Variants in NOS3 observed in about 807,000 individuals in gnomAD.
NOS3 encodes the protein NOS type III.
NOS3 carries 98 observed loss-of-function variants against 144.9 expected under a neutral mutation model. The observed-to-expected ratio is 0.68, with a 90% CI of 0.57 to 0.80. The LOEUF is 0.80. Ranked by LOEUF, NOS3 falls within the 30% of genes least tolerant of loss-of-function variation. The probability of loss-of-function intolerance (pLI) is 0.00; values close to 1 mark genes in which losing one functional copy is unlikely to be tolerated. For synonymous variants in NOS3, 714 were observed against 702.4 expected (o/e 1.02, Z -0.26); for missense variants, 1,465 against 1,656.4 (o/e 0.88, Z 2.01).
In NOS3 at chr7:150,998,881, T is replaced by C. The variant is rs1395733179; in HGVS notation, c.817-65T>C. ...GGAGATGAAGGCAGGAGACAGTGGA[T>C]GGAGGGGTCCCTGAGGAGGGCATGA... On this transcript the variant is annotated intron_variant, in intron 7 of 26. Coordinates refer to ENST00000297494, the MANE Select transcript of NOS3 (RefSeq NM_000603.5). This position sits in a 1 kb window ranked among gnomAD's most constrained non-coding sequence, Gnocchi z 5.0. The C allele has an allele frequency of 1.3e-6, 2 of 1,556,018 alleles. No homozygotes were observed. The highest frequency in any genetic ancestry group is 1.9e-5 in the Admixed American group (1 of 52,296).
chr7:151,002,361 G>T lies in NOS3; in HGVS notation c.1752+57G>T. 2 of 779,598 alleles carry T rather than the reference G, an allele frequency of 2.6e-6. No homozygotes were observed. The highest frequency in any genetic ancestry group is 1.5e-5 in the South Asian group (1 of 67,396). 48.3% of individuals were successfully genotyped at this position (779,598 alleles called of 1,614,324 possible). A position where few individuals can be genotyped will look rare whatever the true frequency, so the allele number is the denominator to read the frequency against. Reference sequence around the variant, plus strand: ...ATGAGGAGAGACTCAGAATTGGAGTGACTGGGCAGGAACCTCTGCCCAACA... The same window carrying T: ...ATGAGGAGAGACTCAGAATTGGAGTTACTGGGCAGGAACCTCTGCCCAACA... On this transcript the variant is annotated intron_variant, in intron 14 of 26. Transcript: ENST00000297494. The surrounding 1 kb of genome is among the most constrained non-coding windows in gnomAD (Gnocchi z 4.1).
rs1802498706 is a variant in NOS3, at chr7:150,998,877, T to C, written c.817-69T>C. Reference sequence around the variant, plus strand: ...CCCTGGAGATGAAGGCAGGAGACAGTGGATGGAGGGGTCCCTGAGGAGGGC... The same window carrying C: ...CCCTGGAGATGAAGGCAGGAGACAGCGGATGGAGGGGTCCCTGAGGAGGGC... On this transcript the variant is annotated intron_variant, in intron 7 of 26. Coordinates refer to ENST00000297494, the MANE Select transcript of NOS3 (RefSeq NM_000603.5). The surrounding 1 kb of genome is among the most constrained non-coding windows in gnomAD (Gnocchi z 5.0). 2 of 1,549,192 alleles carry C rather than the reference T, an allele frequency of 1.3e-6. No homozygotes were observed. Among genetic ancestry groups the C allele is most frequent in the Admixed American group, 3.9e-5 (2 of 51,388 alleles).
chr7:151,011,928 C>T (rs1795314341), intron 23 of NOS3: 8 of 339,298 alleles, frequency 2.4e-5, no homozygotes, highest in South Asian at 1.7e-4. Context: ...GAGAACAGTT[C>T]CTAGGCTGCC....
chr7:151,013,509 C>T (rs771810010), intron 25 of NOS3, 130 bp downstream of exon 25: 38 of 1,251,680 alleles, frequency 3.0e-5, no homozygotes, highest in Non-Finnish European at 3.8e-5. Flanking sequence ...CCCCTGCACA[C>T]TCTGGCCCAC....
At position 150,999,516 on chromosome 7, in the gene NOS3, A is replaced by G. The variant is rs1584902662; in HGVS notation, c.1131+152A>G. 5 of 807,186 alleles carry G rather than the reference A, an allele frequency of 6.2e-6. No individual in the cohort carries two copies. The East Asian group carries it at 1.4e-4, about 22-fold the overall frequency. The allele number at this position is 807,186 out of a possible 1,614,324, so 50.0% of individuals were successfully genotyped here. On this transcript the variant is annotated intron_variant, in intron 9 of 26. Coordinates refer to ENST00000297494, the MANE Select transcript of NOS3 (RefSeq NM_000603.5). ...GGAACTGAGGACAAGCTCTAGAACC[A>G]CTGAAGCAAAGGGGTAGGGGGTGGC... is the stretch of plus-strand genomic sequence containing the variant.
At position 151,014,394 on chromosome 7, in the gene NOS3, TC is replaced by T. The variant is rs1032005929; in HGVS notation, c.*228del. ...GGTCCGCCTTAATCTGGAAGGCCCC[TC>T]CCAGCAGCGGTACCCCAGGGCCTAC... On this transcript the variant is annotated 3_prime_UTR_variant, in exon 27 of 27. Coordinates refer to ENST00000297494, the MANE Select transcript of NOS3 (RefSeq NM_000603.5). 2.1e-5 allele frequency: 11 copies of T among 518,376 alleles called. No individual in the cohort carries two copies. In the African/African-American group the frequency reaches 2.1e-4, roughly 10 times the overall value. 32.1% of individuals were successfully genotyped at this position (518,376 alleles called of 1,614,324 possible). A position where few individuals can be genotyped will look rare whatever the true frequency, so the allele number is the denominator to read the frequency against.
At position 150,996,388 on chromosome 7, in the gene NOS3, C is replaced by T. The variant is rs367683762; in HGVS notation, c.271-16C>T. ...GCACCCTGGCCTGTCCTGACCTTTG[C>T]ACTCCCTCGACCCAGGATGGGCCCT... is the stretch of plus-strand genomic sequence containing the variant. On this transcript the variant is annotated splice_polypyrimidine_tract_variant and intron_variant, in intron 3 of 26. Transcript: ENST00000297494. 1.4e-5 allele frequency: 18 copies of T among 1,259,008 alleles called. No individual in the cohort carries two copies. The highest frequency in any genetic ancestry group is 1.7e-5 in the Non-Finnish European group (17 of 977,396). The allele number at this position is 1,259,008 out of a possible 1,614,324, so 78.0% of individuals were successfully genotyped here.
At chr7:151,013,019 C>T (rs1795340598) in intron 24 of NOS3, 2 of 565,942 alleles carry the variant, frequency 3.5e-6, no homozygotes, top group South Asian at 4.8e-5. Flanking sequence ...GGGGCCACCA[C>T]CTCACCCGCG....
intron 11 of NOS3, 27 bp from the exon 12 acceptor site, chr7:151,001,517 C>G: frequency 3.7e-6 from 6 of 1,612,084 alleles, no homozygotes; most frequent in Non-Finnish European, 5.1e-6. Context: ...CTTTACCTCC[C>G]CTCCCAACCC....
intron 1 of NOS3, among the ~76,000 whole-genome samples, chr7:150,992,488 A>AGGGCACACT (rs1802274070): frequency 1.3e-5 from 2 of 152,166 alleles, no homozygotes; most frequent in Non-Finnish European, 2.9e-5. Context: ...CAGGGGCAGC[A>AGGGCACACT]GGGCACACTA....
chr7:151,014,175 G>A lies in NOS3; in HGVS notation c.*6G>A, dbSNP rs151197128. 14,251 of 1,593,822 alleles carry A rather than the reference G, an allele frequency of 8.9e-3. 87 individuals are homozygous for A. The highest frequency in any genetic ancestry group is 0.011 in the Non-Finnish European group (12,379 of 1,166,910). ...CAGACACCAACAGCCCCTGAGAGCC[G>A]CCTGGCTTTCCCTTCCAGTTCCGGG... is the stretch of plus-strand genomic sequence containing the variant. On this transcript the variant is annotated 3_prime_UTR_variant, in exon 27 of 27. Transcript: ENST00000297494.
Position 151,001,212 on chromosome 7 carries a change from C to G in NOS3, c.1234-19C>G. ...CTGTGGGTCTGGTTTGAGCCTCTCC[C>G]CCTCTCTCTCCCTTCCAGCTAGCCA... is the stretch of plus-strand genomic sequence containing the variant. On this transcript the variant is annotated intron_variant, in intron 10 of 26. Coordinates refer to ENST00000297494, the MANE Select transcript of NOS3 (RefSeq NM_000603.5). The G allele has an allele frequency of 1.2e-6, 2 of 1,610,798 alleles. No homozygotes were observed. Among genetic ancestry groups the G allele is most frequent in the Non-Finnish European group, 8.5e-7 (1 of 1,179,696 alleles).
In NOS3 at chr7:150,998,917, C is replaced by G. The variant is rs201145456; in HGVS notation, c.817-29C>G. On this transcript the variant is annotated intron_variant, in intron 7 of 26. Coordinates refer to ENST00000297494, the MANE Select transcript of NOS3 (RefSeq NM_000603.5). The surrounding 1 kb of genome is among the most constrained non-coding windows in gnomAD (Gnocchi z 5.0). Reference sequence around the variant, plus strand: ...CTGAGGAGGGCATGAGGCTCAGCCCCAGAACCCCCTCTGGCCCACTCCCCA... The same window carrying G: ...CTGAGGAGGGCATGAGGCTCAGCCCGAGAACCCCCTCTGGCCCACTCCCCA... 3.6e-5 allele frequency: 57 copies of G among 1,597,860 alleles called. No homozygotes were observed. In the Middle Eastern group the frequency reaches 7.3e-4, roughly 20 times the overall value.
rs956268532 is a variant in NOS3 at position 150,998,654 on chromosome 7, G to GC, written c.790_791insC (p.Asp264AlafsTer35). 1 of 1,608,116 alleles carries GC rather than the reference G, an allele frequency of 6.2e-7. No individual in the cohort carries two copies. Among genetic ancestry groups the GC allele is most frequent in the Non-Finnish European group, 8.5e-7 (1 of 1,178,590 alleles). On this transcript the variant is annotated frameshift_variant, in exon 7 of 27. Coordinates refer to ENST00000297494, the MANE Select transcript of NOS3 (RefSeq NM_000603.5). LOFTEE classifies it high-confidence loss of function. This position sits in a 1 kb window ranked among gnomAD's most constrained non-coding sequence, Gnocchi z 5.0. The stretch of plus-strand genomic sequence containing the variant: ...GCAGCAGGATGGCTCTGTGCGGGGG[G>GC]ACCCAGCCAACGTGGAGATCACCGA...
rs1795174221 is a variant in NOS3 at position 151,004,304 on chromosome 7, C to T, written c.1752+2000C>T. Among the ~76,000 whole-genome samples, 3 of 152,310 alleles carry T rather than the reference C, an allele frequency of 2.0e-5. No individual in the cohort carries two copies. In the South Asian group the frequency reaches 6.2e-4, roughly 32 times the overall value. On this transcript the variant is annotated intron_variant, in intron 14 of 26. Coordinates refer to ENST00000297494, the MANE Select transcript of NOS3 (RefSeq NM_000603.5). ...TGAGCCGAGATCACGCCACTGCACTCCAGCCTGGGTGACAGAGCAAGAATT... is the reference window on the plus strand; with the variant it reads ...TGAGCCGAGATCACGCCACTGCACTTCAGCCTGGGTGACAGAGCAAGAATT...
Position 150,999,568 on chromosome 7 carries a change from G to A in NOS3, c.1131+204G>A, listed in dbSNP as rs866481644. On this transcript the variant is annotated intron_variant, in intron 9 of 26. Transcript: ENST00000297494. ...GGGGTGTGTGTGGGGGTGTGAGTGGGTGAGTGTGAGAGTGTGGGTTTCTGG... is the reference window on the plus strand; with the variant it reads ...GGGGTGTGTGTGGGGGTGTGAGTGGATGAGTGTGAGAGTGTGGGTTTCTGG... 3.3e-5 allele frequency among the ~76,000 whole-genome samples: 5 copies of A among 152,000 alleles called. 1 individual carries two copies. In the Middle Eastern group the frequency reaches 0.014, roughly 414 times the overall value.
In NOS3 at chr7:151,010,123, C is replaced by G. The variant is rs767928670; in HGVS notation, c.2521C>G (p.Pro841Ala). The change falls in exon 21 of 27, where the codon CCC (proline) becomes GCC (alanine). Residue 841 changes from proline to alanine, a missense_variant. Physicochemically the swap from Pro to Ala is conservative, Grantham distance 27. Transcript: ENST00000297494. Reference sequence around the variant, plus strand: ...CTGTGCACTATCCCCAGGTGGCCCTCCCCCCGGCTGGGTGCGGGACCCCCG... The same window carrying G: ...CTGTGCACTATCCCCAGGTGGCCCTGCCCCCGGCTGGGTGCGGGACCCCCG... ...QLEKGSPGGP[P>A]PGWVRDPRLP... 3 of 1,589,946 alleles carry G rather than the reference C, an allele frequency of 1.9e-6. No homozygotes were observed. The highest frequency in any genetic ancestry group is 1.3e-5 in the African/African-American group (1 of 74,632).
At chr7:151,011,084 A>G (rs982962049) in intron 23 of NOS3, 98 bp downstream of exon 23, 29 of 798,656 alleles carry the variant, frequency 3.6e-5, no homozygotes, top group Non-Finnish European at 6.0e-5. Flanking sequence ...GGAAACAGGA[A>G]GGAGCTCTGT....
intron 15 of NOS3, 33 bp from the exon 16 acceptor site, chr7:151,006,856 T>C: frequency 6.4e-7 from 1 of 1,553,100 alleles, no homozygotes; most frequent in South Asian, 1.1e-5. Context: ...CCCAGGGCCC[T>C]GTGACAACCT....
Sources: gnomAD v4.1 joint callset for allele counts (sites outside exome capture counted in the v4.1 genomes callset) on GRCh38, gnomAD v4.1.1 for gene constraint, Gnocchi (gnomAD v3.1) non-coding constraint, MANE v1.5 for transcripts, NCBI Gene and HGNC (gene_info 2026-07-23, HGNC 2026-07-21) for gene names.